LRRC9: variants seen among roughly 807,000 people sequenced by gnomAD.
The protein encoded by LRRC9 is leucine rich repeat containing 9.
Under a neutral mutation model 63.2 loss-of-function variants are expected in LRRC9, and 122 were observed. That is an observed-to-expected ratio of 1.93 (90% confidence interval 1.67 to 2.24). The LOEUF (loss-of-function observed/expected upper bound fraction) is 2.24, where lower values mean the gene tolerates loss of function less well. Among genes scored for constraint, LRRC9 ranks in the 30% most tolerant of loss-of-function variants. The probability of loss-of-function intolerance (pLI) is 0.00; values close to 1 mark genes in which losing one functional copy is unlikely to be tolerated. For missense variants in LRRC9, 1,071 were observed against 627.7 expected, an observed-to-expected ratio of 1.71 and a Z score of -7.55; for synonymous variants, 366 against 213.1, an observed-to-expected ratio of 1.72 and a Z score of -6.25.
rs950495333 is a variant in LRRC9 at position 60,053,102 on chromosome 14, T to C, written c.4028T>C (p.Phe1343Ser). ...ATGCTACATCGCCACATGCTTATAT[T>C]TCGACTGCCTAACTTACAGATGTTA... Residue 1343 changes from phenylalanine (F) to serine (S), a missense_variant, in exon 30 of 32, where the codon TTT (phenylalanine) becomes TCT (serine). By Grantham distance (155) the Phe-to-Ser change is radical. Coordinates refer to ENST00000445360, the Ensembl canonical transcript of LRRC9. This position sits in a 1 kb window ranked among gnomAD's most constrained non-coding sequence, Gnocchi z 4.8. 1.4e-6 allele frequency: 1 copy of C among 701,616 alleles called. No homozygotes were observed. Among genetic ancestry groups the C allele is most frequent in the Admixed American group, 2.0e-5 (1 of 49,944 alleles). 43.5% of individuals were successfully genotyped at this position (701,616 alleles called of 1,614,324 possible).
At chr14:60,047,704 T>C (rs941278835) in intron 29 of LRRC9, among the ~76,000 whole-genome samples, 7 of 152,168 alleles carry the variant, frequency 4.6e-5, no homozygotes, top group African/African-American at 1.7e-4. Context: ...GTGGAAGATT[T>C]TAACACTCCA....
At chr14:59,978,483 C>T (rs1886562757) in intron 15 of LRRC9, among the ~76,000 whole-genome samples, 1 of 152,152 alleles carries the variant, frequency 6.6e-6, no homozygotes, top group Non-Finnish European at 1.5e-5. Flanking sequence ...TATGGGTTTG[C>T]TTTCAATCCT....
At chr14:59,940,484 C>T (rs968502699) in intron 7 of LRRC9, among the ~76,000 whole-genome samples, 4 of 152,006 alleles carry the variant, frequency 2.6e-5, no homozygotes, top group African/African-American at 9.7e-5. Context: ...CAGGTAAAGT[C>T]AGAACCTACC....
chr14:60,035,140 G>A (rs1892324037), intron 29 of LRRC9, among the ~76,000 whole-genome samples: 2 of 150,492 alleles, frequency 1.3e-5, no homozygotes, highest in African/African-American at 4.9e-5. Flanking sequence ...CCATTTGTAT[G>A]TCTTCTTTTG....
chr14:60,016,516 T>A lies in LRRC9; in HGVS notation c.3187-144T>A, dbSNP rs1890698749. The A allele has an allele frequency of 6.2e-6, 3 of 486,362 alleles. No individual in the cohort carries two copies. In the South Asian group the frequency reaches 1.2e-4, roughly 19 times the overall value. The allele number at this position is 486,362 out of a possible 1,614,324, so 30.1% of individuals were successfully genotyped here. A position where few individuals can be genotyped will look rare whatever the true frequency, so the allele number is the denominator to read the frequency against. On this transcript the variant is annotated intron_variant, in intron 23 of 31. Coordinates refer to ENST00000445360, the Ensembl canonical transcript of LRRC9. ...CCACCTTGCCCTGCCTATGTTTGTT[T>A]CATATATAATGCACAGGATTTAGCT...
In LRRC9 at chr14:59,932,363, A is replaced by G. The variant is rs1889773438; in HGVS notation, c.543+324A>G. 6.6e-6 allele frequency among the ~76,000 whole-genome samples: 1 copy of G among 152,066 alleles called. No homozygotes were observed. Among genetic ancestry groups the G allele is most frequent in the Non-Finnish European group, 1.5e-5 (1 of 67,990 alleles). On this transcript the variant is annotated intron_variant, in intron 6 of 31. Coordinates refer to ENST00000445360, the Ensembl canonical transcript of LRRC9. The surrounding 1 kb of genome is among the most constrained non-coding windows in gnomAD (Gnocchi z 4.7). ...TGGACTGCCCTTGGTCAGTACTGACATCTTTTCTCATTTCTGTCTGCATTC... is the reference window on the plus strand; with the variant it reads ...TGGACTGCCCTTGGTCAGTACTGACGTCTTTTCTCATTTCTGTCTGCATTC...
At chr14:59,969,799 C>A (rs1885275512) in intron 12 of LRRC9, among the ~76,000 whole-genome samples, 1 of 152,142 alleles carries the variant, frequency 6.6e-6, no homozygotes, top group South Asian at 2.1e-4. Context: ...TGTTTGTAAT[C>A]AAGGACTTGG....
intron 17 of LRRC9, among the ~76,000 whole-genome samples, chr14:59,985,888 A>G (rs1049041190): frequency 1.3e-5 from 2 of 152,156 alleles, no homozygotes; most frequent in African/African-American, 4.8e-5. Flanking sequence ...GAATATATTA[A>G]AATAACTTCT....
intron 8 of LRRC9, among the ~76,000 whole-genome samples, chr14:59,954,638 G>C (rs1883535104): frequency 6.6e-6 from 1 of 152,144 alleles, no homozygotes. Flanking sequence ...CTTCCTATTT[G>C]AATACACTTT....
At position 59,943,806 on chromosome 14, in the gene LRRC9, T is replaced by A. The variant is rs1053650560; in HGVS notation, c.727-783T>A. On this transcript the variant is annotated intron_variant, in intron 7 of 31. Transcript: ENST00000445360. Reference sequence around the variant, plus strand: ...TCCACTCCATACTAAGTAAATTTCATAAGAAAAGACTGCATCTGTAGAAAA... The same window carrying A: ...TCCACTCCATACTAAGTAAATTTCAAAAGAAAAGACTGCATCTGTAGAAAA... 3.3e-5 allele frequency among the ~76,000 whole-genome samples: 5 copies of A among 152,050 alleles called. No homozygotes were observed. The East Asian group carries it at 9.6e-4, about 29-fold the overall frequency.
chr14:59,994,475 T>C (rs1439560148), intron 17 of LRRC9, among the ~76,000 whole-genome samples: 1 of 152,174 alleles, frequency 6.6e-6, no homozygotes, highest in Non-Finnish European at 1.5e-5. Flanking sequence ...GATCTAGAAC[T>C]AGAAATACCA....
At chr14:60,012,881 C>T (rs561701321) in intron 23 of LRRC9, among the ~76,000 whole-genome samples, 17 of 152,028 alleles carry the variant, frequency 1.1e-4, no homozygotes, top group African/African-American at 4.1e-4. Flanking sequence ...AACACAAAAG[C>T]AATGGTATTT....
chr14:59,976,140 A>G (rs573793827), intron 13 of LRRC9, among the ~76,000 whole-genome samples: 2 of 152,364 alleles, frequency 1.3e-5, no homozygotes, highest in East Asian at 3.9e-4. Flanking sequence ...ACACCCCCAG[A>G]TGGGACCATC....
intron 8 of LRRC9, among the ~76,000 whole-genome samples, chr14:59,949,103 C>A (rs1423621223): frequency 1.1e-4 from 12 of 113,342 alleles, no homozygotes; most frequent in African/African-American, 4.1e-4. Context: ...CCTCCTTGTA[C>A]CTCTGGTAGA....
At chr14:60,039,278 A>G (rs219415) in intron 29 of LRRC9, among the ~76,000 whole-genome samples, 112,014 of 152,106 alleles carry the variant, frequency 0.74, 43,733 homozygotes, top group Non-Finnish European at 0.87. Context: ...CTGGCCTCAT[A>G]AAATGAGTTA....
chr14:59,991,930 T>C (rs1389694689), intron 17 of LRRC9, among the ~76,000 whole-genome samples: 1 of 152,214 alleles, frequency 6.6e-6, no homozygotes, highest in Non-Finnish European at 1.5e-5. Context: ...TCTGCAGACG[T>C]AAATGTCCCT....
chr14:59,988,625 T>C (rs1428079824), intron 17 of LRRC9, among the ~76,000 whole-genome samples: 1 of 152,110 alleles, frequency 6.6e-6, no homozygotes, highest in East Asian at 1.9e-4. Flanking sequence ...TTTCTAAAAA[T>C]TTTGTGTATG....
At chr14:59,955,607 G>C (rs974715605) in intron 8 of LRRC9, among the ~76,000 whole-genome samples, 2 of 151,924 alleles carry the variant, frequency 1.3e-5, no homozygotes, top group Admixed American at 6.6e-5. Flanking sequence ...GGGATTCATT[G>C]ATTTTTTTGA....
intron 8 of LRRC9, among the ~76,000 whole-genome samples, chr14:59,947,981 GGC>G (rs1206318931): frequency 5.9e-5 from 9 of 151,752 alleles, no homozygotes; most frequent in Admixed American, 4.6e-4. Flanking sequence ...AGATTGACTT[GGC>G]GATGCAGGCT....
Sources: gnomAD v4.1 joint callset for allele counts (sites outside exome capture counted in the v4.1 genomes callset) on GRCh38, gnomAD v4.1.1 for gene constraint, Gnocchi (gnomAD v3.1) non-coding constraint, MANE v1.5 for transcripts, NCBI Gene and HGNC (gene_info 2026-07-23, HGNC 2026-07-21) for gene names.